Variants in SERPINB6 observed in about 807,000 individuals in gnomAD.
The protein encoded by SERPINB6 is serpin B6.
SERPINB6 carries 16 observed loss-of-function variants against 26.1 expected under a neutral mutation model. The observed-to-expected ratio is 0.61, with a 90% CI of 0.42 to 0.93. SERPINB6 has a LOEUF of 0.93. Ranked by LOEUF, SERPINB6 falls within the 40% of genes least tolerant of loss-of-function variation. The pLI, the probability that SERPINB6 is intolerant of heterozygous loss-of-function variation, is 0.00. For synonymous variants in SERPINB6, 174 were observed against 176.6 expected, an observed-to-expected ratio of 0.99 and a Z score of 0.11; for missense variants, 420 against 478.0, an observed-to-expected ratio of 0.88 and a Z score of 1.13.
At chr6:2,954,554 G>A in intron 4 of SERPINB6, 38 bp downstream of exon 4, 1 of 1,438,424 alleles carries the variant, frequency 7.0e-7, no homozygotes, top group Non-Finnish European at 9.8e-7. Flanking sequence ...AATGGATTAA[G>A]AGGTTATTAC....
chr6:2,958,630 C>G (rs1193127571), intron 2 of SERPINB6, among the ~76,000 whole-genome samples: 1 of 152,122 alleles, frequency 6.6e-6, no homozygotes, highest in African/African-American at 2.4e-5. Context: ...CTGACGCAGC[C>G]CACAAGGGAC....
At chr6:2,970,719 T>C in intron 1 of SERPINB6, 1 of 1,142,416 alleles carries the variant, frequency 8.8e-7, no homozygotes, top group Non-Finnish European at 1.0e-6. Context: ...AGCCAATCTT[T>C]AGGACAAAAA....
At chr6:2,968,391 A>C in intron 1 of SERPINB6, 4 of 690,988 alleles carry the variant, frequency 5.8e-6, no homozygotes, top group Non-Finnish European at 7.1e-6. Flanking sequence ...CCTGCACAAC[A>C]ACCTGCGACA....
In SERPINB6 at chr6:2,954,588, T is replaced by G; in HGVS notation, c.430+4A>C. The G allele has an allele frequency of 1.2e-6, 2 of 1,603,828 alleles. No homozygotes were observed. Among genetic ancestry groups the G allele is most frequent in the East Asian group, 2.2e-5 (1 of 44,818 alleles). ...ACAAAAGTAGAATAACAATACATTT[T>G]CACCTTCTGTCTTTTCAGCTACCCA... On this transcript the variant is annotated splice_donor_region_variant and intron_variant, in intron 4 of 6. Transcript: ENST00000380539.
At chr6:2,970,244 T>C (rs552579601) in intron 1 of SERPINB6, 2 of 985,396 alleles carry the variant, frequency 2.0e-6, no homozygotes, top group East Asian at 2.3e-4. Context: ...CTACTGTTAC[T>C]GGTCCGTGTT....
rs1327872120 is a variant in SERPINB6 at position 2,948,271 on chromosome 6, G to A, written c.*27C>T. 1.2e-6 allele frequency: 2 copies of A among 1,612,284 alleles called. No individual in the cohort carries two copies. The highest frequency in any genetic ancestry group is 1.7e-6 in the Non-Finnish European group (2 of 1,179,830). On this transcript the variant is annotated 3_prime_UTR_variant, in exon 7 of 7. Coordinates refer to ENST00000380539, the MANE Select transcript of SERPINB6 (RefSeq NM_004568.6). This position sits in a 1 kb window ranked among gnomAD's most constrained non-coding sequence, Gnocchi z 5.0. ...GAGTGTCAGGGGACAGAGAGGAGAG[G>A]GGCTGCACACCAAGACTGCCCTGTC...
At chr6:2,968,657 G>A (rs1471350180) in intron 1 of SERPINB6, 4 of 1,225,962 alleles carry the variant, frequency 3.3e-6, no homozygotes, top group Non-Finnish European at 4.1e-6. Flanking sequence ...GGTGGCTGGT[G>A]TTTGCTTTAT....
chr6:2,953,295 A>C, intron 4 of SERPINB6, 109 bp from the exon 5 acceptor site: 1 of 1,413,618 alleles, frequency 7.1e-7, no homozygotes, highest in Non-Finnish European at 9.9e-7. Flanking sequence ...ACGGATAGAG[A>C]GTTCCACTGT....
intron 5 of SERPINB6, among the ~76,000 whole-genome samples, chr6:2,950,035 C>T (rs1437860929): frequency 6.6e-6 from 1 of 152,114 alleles, no homozygotes; most frequent in African/African-American, 2.4e-5. Flanking sequence ...CTTACCTGAC[C>T]CTACACTCCC....
chr6:2,948,793 G>A lies in SERPINB6; in HGVS notation c.730-94C>T, dbSNP rs371578286. ...GTGGATGCCAGACACCAGTGGCAGCGTGGCTATGGTCAGCAGCGCTCCAGT... is the reference window on the plus strand; with the variant it reads ...GTGGATGCCAGACACCAGTGGCAGCATGGCTATGGTCAGCAGCGCTCCAGT... On this transcript the variant is annotated intron_variant, in intron 6 of 6. Coordinates refer to ENST00000380539, the MANE Select transcript of SERPINB6 (RefSeq NM_004568.6). This position sits in a 1 kb window ranked among gnomAD's most constrained non-coding sequence, Gnocchi z 5.0. The A allele has an allele frequency of 3.0e-5, 47 of 1,558,798 alleles. No individual in the cohort carries two copies. In the African/African-American group the frequency reaches 4.3e-4, roughly 14 times the overall value.
At chr6:2,950,745 C>T (rs569286262) in intron 5 of SERPINB6, among the ~76,000 whole-genome samples, 2 of 152,328 alleles carry the variant, frequency 1.3e-5, no homozygotes, top group Admixed American at 6.5e-5. Context: ...GTTCCTGACT[C>T]GGAGCTGCTC....
chr6:2,950,885 T>C (rs1283853374), intron 5 of SERPINB6, among the ~76,000 whole-genome samples: 1 of 152,262 alleles, frequency 6.6e-6, no homozygotes, highest in African/African-American at 2.4e-5. Context: ...GCTTTCTGCT[T>C]TCACGTGGTA....
intron 5 of SERPINB6, 90 bp from the exon 6 acceptor site, chr6:2,949,159 A>C: frequency 7.0e-7 from 1 of 1,422,802 alleles, no homozygotes; most frequent in Non-Finnish European, 9.7e-7. Flanking sequence ...CTCTGCAGGG[A>C]GAAACGCAGC....
chr6:2,971,045 G>C (rs1173953341), intron 1 of SERPINB6: 1 of 1,190,632 alleles, frequency 8.4e-7, no homozygotes, highest in East Asian at 3.5e-5. Context: ...GGCGCCCCAA[G>C]ACTGAGCACG....
intron 1 of SERPINB6, chr6:2,971,269 G>A (rs1414664930): frequency 1.4e-5 from 11 of 801,118 alleles, no homozygotes; most frequent in African/African-American, 1.9e-5. Flanking sequence ...GCCGTTCTCT[G>A]CCGCTGCGAG....
At chr6:2,956,081 A>T (rs1482357506) in intron 2 of SERPINB6, 1 of 199,350 alleles carries the variant, frequency 5.0e-6, no homozygotes, top group African/African-American at 2.3e-5. Context: ...TCTCAAAAAA[A>T]AAAAAAGATC....
intron 1 of SERPINB6, among the ~76,000 whole-genome samples, chr6:2,964,962 A>G (rs550043354): frequency 1.4e-4 from 21 of 152,290 alleles, no homozygotes; most frequent in African/African-American, 5.1e-4. Context: ...TCAGCCTCCT[A>G]AAGTGCTGGA....
intron 1 of SERPINB6, chr6:2,970,625 T>C: frequency 9.0e-6 from 11 of 1,219,008 alleles, no homozygotes; most frequent in Non-Finnish European, 1.1e-5. Context: ...GCCCAAAAAA[T>C]GGACTCAGAT....
At chr6:2,966,915 A>G (rs1581277544) in intron 1 of SERPINB6, 4 of 984,676 alleles carry the variant, frequency 4.1e-6, no homozygotes, top group Non-Finnish European at 4.8e-6. Flanking sequence ...TTGGCTTCCC[A>G]AAGTGCTGGG....
Sources: gnomAD v4.1 joint callset for allele counts (sites outside exome capture counted in the v4.1 genomes callset) on GRCh38, gnomAD v4.1.1 for gene constraint, Gnocchi (gnomAD v3.1) non-coding constraint, MANE v1.5 for transcripts, NCBI Gene and HGNC (gene_info 2026-07-23, HGNC 2026-07-21) for gene names.